The following CPXM2 variants were observed in gnomAD, a reference collection of about 807,000 sequenced individuals.
CPXM2 encodes the protein carboxypeptidase X, M14 family member 2.
CPXM2 carries 66 observed loss-of-function variants against 86.1 expected under a neutral mutation model. The ratio of observed to expected loss-of-function variants is 0.77; its 90% CI spans 0.63 to 0.94. The LOEUF is 0.94. CPXM2 is among the 40% of genes least tolerant of loss of function. CPXM2 has a pLI of 0.00. For synonymous variants in CPXM2, 388 were observed against 400.2 expected, an observed-to-expected ratio of 0.97 and a Z score of 0.36; for missense variants, 948 against 1,026.3, an observed-to-expected ratio of 0.92 and a Z score of 1.04.
chr10:123,897,408 G>T (rs915138950), intron 2 of CPXM2, among the ~76,000 whole-genome samples: 5 of 152,154 alleles, frequency 3.3e-5, no homozygotes, highest in Non-Finnish European at 7.3e-5. Flanking sequence ...CTTGCTGAAG[G>T]TCATGTAATT....
intron 10 of CPXM2, among the ~76,000 whole-genome samples, chr10:123,763,212 C>T (rs11248277): frequency 0.12 from 17,986 of 152,116 alleles, 1,168 homozygotes; most frequent in African/African-American, 0.18. Context: ...GCTAATATTT[C>T]GTGTTGCAGT....
intron 2 of CPXM2, among the ~76,000 whole-genome samples, chr10:123,922,637 A>G (rs1945587294): frequency 6.6e-6 from 1 of 152,218 alleles, no homozygotes; most frequent in African/African-American, 2.4e-5. Flanking sequence ...CTGAGTCTAC[A>G]ACATTTCTGA....
chr10:123,836,787 C>G (rs1848290798), intron 4 of CPXM2, among the ~76,000 whole-genome samples: 2 of 152,206 alleles, frequency 1.3e-5, no homozygotes, highest in South Asian at 2.1e-4. Context: ...TATAGGAGAA[C>G]TTCCTCCTTT....
At chr10:123,792,132 G>A (rs1847219019) in intron 6 of CPXM2, among the ~76,000 whole-genome samples, 1 of 152,212 alleles carries the variant, frequency 6.6e-6, no homozygotes, top group South Asian at 2.1e-4. Context: ...CCAGGACAGG[G>A]TTAATGGGGA....
In CPXM2 at chr10:123,862,701, T is replaced by G; in HGVS notation, c.426A>C (p.Glu142Asp). 6.2e-7 allele frequency: 1 copy of G among 1,606,190 alleles called. No homozygotes were observed. Among genetic ancestry groups the G allele is most frequent in the Non-Finnish European group, 8.5e-7 (1 of 1,178,510 alleles). Residue 142 changes from glutamate to aspartate, a missense_variant, in exon 3 of 14, where the codon GAA (glutamate) becomes GAC (aspartate). Transcript: ENST00000241305. Reference sequence around the variant, plus strand: ...GCTGGAAGTCTGTGATTTTTAAGGTTTCCAGACCAAGAGGTGGGCAACCTG... The same window carrying G: ...GCTGGAAGTCTGTGATTTTTAAGGTGTCCAGACCAAGAGGTGGGCAACCTG... ...VRESCPPLGL[E>D]TLKITDFQLH...
upstream of CPXM2, among the ~76,000 whole-genome samples, chr10:123,941,493 C>T (rs1945776759): frequency 6.6e-6 from 1 of 152,236 alleles, no homozygotes; most frequent in South Asian, 2.1e-4. Flanking sequence ...TCCTGTATGA[C>T]TTTGTCTAAA....
At chr10:123,787,477 G>GCAC (rs1001614159) in intron 6 of CPXM2, among the ~76,000 whole-genome samples, 45 of 152,094 alleles carry the variant, frequency 3.0e-4, no homozygotes, top group African/African-American at 1.0e-3. Context: ...GGGATTACAG[G>GCAC]CACCCACCAC....
chr10:123,770,560 A>G (rs1846603395), intron 8 of CPXM2, among the ~76,000 whole-genome samples: 1 of 152,256 alleles, frequency 6.6e-6, no homozygotes, highest in African/African-American at 2.4e-5. Context: ...AGCTCCTCTA[A>G]TATGAGCCAT....
At chr10:123,785,501 C>T (rs539878411) in intron 6 of CPXM2, among the ~76,000 whole-genome samples, 3 of 152,240 alleles carry the variant, frequency 2.0e-5, no homozygotes, top group Admixed American at 6.5e-5. Flanking sequence ...CAGAAAGTGT[C>T]GTGTCGTTGG....
chr10:123,879,107 A>C (rs1005360459), intron 2 of CPXM2, among the ~76,000 whole-genome samples: 4 of 152,270 alleles, frequency 2.6e-5, no homozygotes, highest in African/African-American at 9.6e-5. Flanking sequence ...AAGTGACCAC[A>C]GAAGGTCACT....
intron 2 of CPXM2, among the ~76,000 whole-genome samples, chr10:123,878,230 C>T (rs895884994): frequency 6.6e-6 from 1 of 150,654 alleles, no homozygotes; most frequent in Admixed American, 6.6e-5. Context: ...CACCATCTGT[C>T]GGTTGTCAGG....
chr10:123,933,811 A>G (rs1034206584), intron 2 of CPXM2, among the ~76,000 whole-genome samples: 1 of 152,096 alleles, frequency 6.6e-6, no homozygotes, highest in Non-Finnish European at 1.5e-5. Context: ...ACAGGAGGCC[A>G]TCATACCCTT....
chr10:123,766,160 C>G (rs1428829178), intron 10 of CPXM2, among the ~76,000 whole-genome samples: 1 of 152,034 alleles, frequency 6.6e-6, no homozygotes, highest in African/African-American at 2.4e-5. Context: ...CAGCTGCCAC[C>G]CTGGATTATG....
intron 6 of CPXM2, among the ~76,000 whole-genome samples, chr10:123,786,500 C>T (rs910747860): frequency 1.3e-5 from 2 of 152,122 alleles, no homozygotes; most frequent in Non-Finnish European, 2.9e-5. Context: ...ATTGGACATT[C>T]CCAGGACCCT....
At chr10:123,926,380 G>A (rs1198972703) in intron 2 of CPXM2, among the ~76,000 whole-genome samples, 1 of 152,150 alleles carries the variant, frequency 6.6e-6, no homozygotes, top group African/African-American at 2.4e-5. Context: ...AGTGCCCTGG[G>A]CATACCTCTA....
At chr10:123,801,755 T>C (rs75466788) in intron 4 of CPXM2, among the ~76,000 whole-genome samples, 137 of 152,336 alleles carry the variant, frequency 9.0e-4, no homozygotes, top group African/African-American at 3.2e-3. Flanking sequence ...GTTCTCCGTG[T>C]TCTTTCTTTC....
intron 2 of CPXM2, among the ~76,000 whole-genome samples, chr10:123,903,309 A>C (rs1449398372): frequency 6.6e-6 from 1 of 152,216 alleles, no homozygotes; most frequent in Non-Finnish European, 1.5e-5. Flanking sequence ...GTGCTCAGTA[A>C]ATGCTGGTTG....
chr10:123,878,088 G>A (rs1945017382), intron 2 of CPXM2, among the ~76,000 whole-genome samples: 1 of 152,070 alleles, frequency 6.6e-6, no homozygotes, highest in Non-Finnish European at 1.5e-5. Flanking sequence ...ATCCTGACAG[G>A]AGGATGGACT....
At chr10:123,854,449 A>G (rs982608312) in intron 3 of CPXM2, among the ~76,000 whole-genome samples, 1 of 131,340 alleles carries the variant, frequency 7.6e-6, no homozygotes, top group African/African-American at 2.9e-5. Context: ...ACTTTTATAT[A>G]TAATATATAT....
Sources: allele counts gnomAD v4.1 joint callset (sites outside exome capture counted in the v4.1 genomes callset), GRCh38; gene constraint gnomAD v4.1.1; transcripts MANE v1.5; gene names NCBI Gene and HGNC (gene_info 2026-07-23, HGNC 2026-07-21).